Variants in PDE10A observed in about 807,000 individuals in gnomAD.
PDE10A encodes phosphodiesterase 10A.
Under a neutral mutation model 97.7 loss-of-function variants are expected in PDE10A, and 39 were observed. The observed-to-expected ratio is 0.40, with a 90% CI of 0.31 to 0.52. PDE10A has a LOEUF of 0.52. Ranked by LOEUF, PDE10A falls within the 20% of genes least tolerant of loss-of-function variation. PDE10A has a pLI of 0.56. For missense variants in PDE10A, 731 were observed against 1,047.8 expected (o/e 0.70, Z 4.17); for synonymous variants, 371 against 376.8 (o/e 0.98, Z 0.18).
rs976293204 is a variant in PDE10A, at chr6:165,917,688, C to T, written c.-615+69841G>A. 5.9e-5 allele frequency among the ~76,000 whole-genome samples: 9 copies of T among 152,216 alleles called. 1 individual carries two copies. In the South Asian group the frequency reaches 1.4e-3, roughly 24 times the overall value. On this transcript the variant is annotated intron_variant, in intron 1 of 19. Coordinates refer to the PDE10A transcript ENST00000366882. ...GCCAGGTGCTTTGTGCGGCGGAGCC[C>T]GCTGGAGGCTGGGCAAGTGATGAGT...
Position 165,661,856 on chromosome 6 carries a change from C to T in PDE10A, c.865+91G>A. 1 of 654,898 alleles carries T rather than the reference C, an allele frequency of 1.5e-6. No homozygotes were observed. The highest frequency in any genetic ancestry group is 1.7e-5 in the South Asian group (1 of 57,938). The allele number at this position is 654,898 out of a possible 1,614,324, so 40.6% of individuals were successfully genotyped here. A position where few individuals can be genotyped will look rare whatever the true frequency, so the allele number is the denominator to read the frequency against. Reference sequence around the variant, plus strand: ...CGGGCACGGGCACCTCGCTCGACACCCGCTTCCCACCCAGCAGTCCAAGCC... The same window carrying T: ...CGGGCACGGGCACCTCGCTCGACACTCGCTTCCCACCCAGCAGTCCAAGCC... On this transcript the variant is annotated intron_variant, in intron 1 of 21. Transcript: ENST00000539869. This position sits in a 1 kb window ranked among gnomAD's most constrained non-coding sequence, Gnocchi z 4.8.
intron 1 of PDE10A, among the ~76,000 whole-genome samples, chr6:165,976,636 C>A (rs1784852647): frequency 1.3e-5 from 2 of 152,190 alleles, no homozygotes; most frequent in Admixed American, 1.3e-4. Flanking sequence ...TTTATGCCAC[C>A]AAAGCCCATA....
chr6:165,769,488 A>T (rs1777947772), intron 1 of PDE10A, among the ~76,000 whole-genome samples: 2 of 152,186 alleles, frequency 1.3e-5, no homozygotes, highest in African/African-American at 2.4e-5. Flanking sequence ...TTAAACAGTG[A>T]TGCATATGGC....
intron 1 of PDE10A, among the ~76,000 whole-genome samples, chr6:165,814,124 C>T (rs1450758407): frequency 6.6e-6 from 1 of 152,140 alleles, no homozygotes; most frequent in African/African-American, 2.4e-5. Flanking sequence ...ATTACCATTT[C>T]AAAATGCAAC....
intron 1 of PDE10A, among the ~76,000 whole-genome samples, chr6:165,690,928 C>G (rs1791253636): frequency 6.6e-6 from 1 of 152,130 alleles, no homozygotes; most frequent in Non-Finnish European, 1.5e-5. Context: ...GGGGCCACTG[C>G]TCTCCTGCTT....
intron 1 of PDE10A, among the ~76,000 whole-genome samples, chr6:165,845,466 C>T (rs150592333): frequency 4.6e-5 from 7 of 152,174 alleles, no homozygotes; most frequent in African/African-American, 1.4e-4. Context: ...CAGAACTCCA[C>T]AAACCACATT....
At chr6:165,726,409 A>T (rs1490576647) in intron 1 of PDE10A, among the ~76,000 whole-genome samples, 2 of 152,254 alleles carry the variant, frequency 1.3e-5, no homozygotes, top group African/African-American at 4.8e-5. Flanking sequence ...AATAGCTTTA[A>T]AATTTTACGT....
At chr6:165,840,585 G>A (rs935307129) in intron 1 of PDE10A, among the ~76,000 whole-genome samples, 9 of 152,162 alleles carry the variant, frequency 5.9e-5, no homozygotes, top group African/African-American at 2.2e-4. Context: ...TACCAAAACT[G>A]CAGGAGATGA....
intron 1 of PDE10A, among the ~76,000 whole-genome samples, chr6:165,950,976 C>T (rs1240338789): frequency 6.6e-6 from 1 of 152,204 alleles, no homozygotes; most frequent in Non-Finnish European, 1.5e-5. Context: ...TTATTCTTTC[C>T]TACATTGTTT....
At chr6:165,650,540 T>C (rs1789630194) in intron 1 of PDE10A, among the ~76,000 whole-genome samples, 1 of 152,216 alleles carries the variant, frequency 6.6e-6, no homozygotes, top group South Asian at 2.1e-4. Flanking sequence ...TTTTTTCACA[T>C]AACGGTGTAT....
At chr6:165,747,076 C>T (rs1199734986) in intron 1 of PDE10A, among the ~76,000 whole-genome samples, 1 of 151,508 alleles carries the variant, frequency 6.6e-6, no homozygotes, top group East Asian at 1.9e-4. Flanking sequence ...TATCTTAGTT[C>T]AATAAAACTT....
At chr6:165,442,847 G>C (rs1329912897) in intron 5 of PDE10A, among the ~76,000 whole-genome samples, 1 of 152,132 alleles carries the variant, frequency 6.6e-6, no homozygotes, top group African/African-American at 2.4e-5. Context: ...GGCCAGGCAT[G>C]GTGGCTCACG....
chr6:165,466,285 T>C (rs1484106394), intron 3 of PDE10A, among the ~76,000 whole-genome samples: 1 of 152,214 alleles, frequency 6.6e-6, no homozygotes, highest in African/African-American at 2.4e-5. Context: ...TGAGATAAAA[T>C]AGTATTAAAT....
At chr6:165,639,221 G>C (rs1350385693) in intron 1 of PDE10A, among the ~76,000 whole-genome samples, 1 of 152,118 alleles carries the variant, frequency 6.6e-6, no homozygotes, top group African/African-American at 2.4e-5. Flanking sequence ...CACAACCAAT[G>C]TATGGAGGAA....
chr6:165,970,257 G>A (rs1445833386), intron 1 of PDE10A, among the ~76,000 whole-genome samples: 4 of 152,308 alleles, frequency 2.6e-5, no homozygotes, highest in African/African-American at 9.6e-5. Flanking sequence ...GTGTGGTTCT[G>A]GAACAGATCT....
chr6:165,651,758 TTAAA>T (rs1180146168), intron 1 of PDE10A, among the ~76,000 whole-genome samples: 3 of 152,252 alleles, frequency 2.0e-5, no homozygotes, highest in African/African-American at 7.2e-5. Flanking sequence ...CTTTTTGCAT[TTAAA>T]TATACACATA....
intron 1 of PDE10A, among the ~76,000 whole-genome samples, chr6:165,596,676 G>A (rs1487735665): frequency 6.6e-6 from 1 of 152,154 alleles, no homozygotes. Flanking sequence ...GCTGCAGGTA[G>A]CCATGATTGT....
intron 13 of PDE10A, among the ~76,000 whole-genome samples, chr6:165,408,559 C>T (rs1759948): frequency 0.23 from 35,481 of 151,854 alleles, 4,570 homozygotes; most frequent in African/African-American, 0.34. Flanking sequence ...TAAAGAAACG[C>T]GATGCTATCT....
chr6:165,791,939 C>T (rs1299787503), intron 1 of PDE10A, among the ~76,000 whole-genome samples: 2 of 152,208 alleles, frequency 1.3e-5, no homozygotes, highest in East Asian at 3.9e-4. Context: ...CTCTGTGCAA[C>T]ACACATACAA....
Sources: gnomAD v4.1 joint callset for allele counts (sites outside exome capture counted in the v4.1 genomes callset) on GRCh38, gnomAD v4.1.1 for gene constraint, Gnocchi (gnomAD v3.1) non-coding constraint, MANE v1.5 for transcripts, NCBI Gene and HGNC (gene_info 2026-07-23, HGNC 2026-07-21) for gene names.